DOCK1: variants seen among roughly 807,000 people sequenced by gnomAD.
DOCK1 encodes the protein dedicator of cytokinesis 1, also known as dedicator of cytokinesis protein 1.
A neutral mutation model predicts 262.7 loss-of-function variants in DOCK1; 138 were observed. The ratio of observed to expected loss-of-function variants is 0.53; its 90% CI spans 0.46 to 0.61. The LOEUF (loss-of-function observed/expected upper bound fraction) is 0.61. DOCK1 is among the 20% of genes least tolerant of loss of function. The probability of loss-of-function intolerance (pLI) is 0.00; values close to 1 mark genes in which losing one functional copy is unlikely to be tolerated. For missense variants in DOCK1, 1,908 were observed against 2,370.7 expected, an observed-to-expected ratio of 0.80 and a Z score of 4.05; for synonymous variants, 866 against 867.4, an observed-to-expected ratio of 1.00 and a Z score of 0.03.
Position 126,990,603 on chromosome 10 carries a change from GGTTT to G in DOCK1, c.473+5_473+8del. 1 of 1,612,942 alleles carries G rather than the reference GGTTT, an allele frequency of 6.2e-7. No individual in the cohort carries two copies. The highest frequency in any genetic ancestry group is 8.5e-7 in the Non-Finnish European group (1 of 1,179,416). ...ACAGCCAAAATTGATTATGGAAACA[GGTTT>G]GTTTATTTGAAAGATGATTTTACGC... On this transcript the variant is annotated splice_donor_variant and splice_donor_region_variant and intron_variant, in intron 6 of 51. Coordinates refer to ENST00000623213, the MANE Select transcript of DOCK1 (RefSeq NM_001290223.2). LOFTEE classifies it high-confidence loss of function.
Position 127,137,945 on chromosome 10 carries a change from A to G in DOCK1, c.2847+10181A>G. The stretch of plus-strand genomic sequence containing the variant: ...GAGAGTAAGGCGAAGGTATGACCTG[A>G]GTTTCCTCAATAGGGTGGAGTTTTC... On this transcript the variant is annotated intron_variant, in intron 27 of 51. Coordinates refer to ENST00000623213, the MANE Select transcript of DOCK1 (RefSeq NM_001290223.2). 1.9e-6 allele frequency: 3 copies of G among 1,614,090 alleles called. No homozygotes were observed. In the South Asian group the frequency reaches 3.3e-5, roughly 18 times the overall value.
intron 29 of DOCK1, among the ~76,000 whole-genome samples, chr10:127,302,849 A>G (rs2135442580): frequency 6.6e-6 from 1 of 151,594 alleles, no homozygotes; most frequent in South Asian, 2.1e-4. Flanking sequence ...AACAGCATGA[A>G]ATATGGACAG....
chr10:126,974,394 A>G (rs1251172291), intron 2 of DOCK1, among the ~76,000 whole-genome samples: 1 of 152,210 alleles, frequency 6.6e-6, no homozygotes, highest in Admixed American at 6.5e-5. Flanking sequence ...TAAAATGACT[A>G]GACCGCCATT....
chr10:126,950,581 T>C (rs2036125557), intron 1 of DOCK1, among the ~76,000 whole-genome samples: 1 of 152,138 alleles, frequency 6.6e-6, no homozygotes, highest in Non-Finnish European at 1.5e-5. Context: ...AGAGGGACTC[T>C]GCAGCCTTTG....
chr10:127,402,908 A>G, intron 38 of DOCK1, 147 bp from the exon 39 acceptor site: 1 of 822,676 alleles, frequency 1.2e-6, no homozygotes, highest in South Asian at 1.6e-5. Context: ...ACTCAAGAAA[A>G]TATTTGTATT....
chr10:126,946,135 C>G (rs2035383518), intron 1 of DOCK1, among the ~76,000 whole-genome samples: 1 of 151,928 alleles, frequency 6.6e-6, no homozygotes, highest in Non-Finnish European at 1.5e-5. Context: ...AGAATTTTCC[C>G]CTTTAACCCT....
chr10:126,928,837 C>T (rs2033970896), intron 1 of DOCK1, among the ~76,000 whole-genome samples: 1 of 152,234 alleles, frequency 6.6e-6, no homozygotes, highest in African/African-American at 2.4e-5. Context: ...TTCCTCTCCT[C>T]TATTTCTAAG....
chr10:127,194,202 C>T (rs2056940472), intron 27 of DOCK1, among the ~76,000 whole-genome samples: 1 of 152,174 alleles, frequency 6.6e-6, no homozygotes, highest in Non-Finnish European at 1.5e-5. Flanking sequence ...GTAATTTATG[C>T]AAAATCATGC....
intron 5 of DOCK1, among the ~76,000 whole-genome samples, chr10:126,988,934 A>T (rs1281175418): frequency 3.3e-5 from 5 of 152,110 alleles, no homozygotes; most frequent in African/African-American, 1.2e-4. Context: ...TTAGCTGAGC[A>T]TGGTGGAGCA....
chr10:126,963,140 T>C (rs2037355770), intron 1 of DOCK1, among the ~76,000 whole-genome samples: 1 of 152,214 alleles, frequency 6.6e-6, no homozygotes, highest in African/African-American at 2.4e-5. Flanking sequence ...TTGTAGTAGG[T>C]ATTGAAATCG....
intron 36 of DOCK1, 121 bp downstream of exon 36, chr10:127,380,243 G>A (rs770092596): frequency 3.6e-5 from 29 of 804,618 alleles, no homozygotes; most frequent in African/African-American, 3.4e-4. Context: ...ATTGTGAAAC[G>A]TATAAGGTAG....
intron 1 of DOCK1, among the ~76,000 whole-genome samples, chr10:126,949,557 A>T (rs897933722): frequency 6.6e-6 from 1 of 152,096 alleles, no homozygotes; most frequent in Non-Finnish European, 1.5e-5. Flanking sequence ...CAGAGCAGCA[A>T]GGGCAGAGCT....
intron 1 of DOCK1, among the ~76,000 whole-genome samples, chr10:126,924,477 T>C (rs1019193948): frequency 7.1e-6 from 1 of 141,706 alleles, no homozygotes; most frequent in Non-Finnish European, 1.5e-5. Context: ...TGGAACTCAG[T>C]AGGGGGAGGC....
At chr10:127,391,243 A>C (rs2066460735) in intron 38 of DOCK1, among the ~76,000 whole-genome samples, 1 of 152,190 alleles carries the variant, frequency 6.6e-6, no homozygotes, top group African/African-American at 2.4e-5. Context: ...ACTCAATTTC[A>C]TTTCTGTAGT....
chr10:127,289,441 A>T (rs187995324), intron 29 of DOCK1, among the ~76,000 whole-genome samples: 4 of 152,256 alleles, frequency 2.6e-5, no homozygotes, highest in Admixed American at 2.6e-4. Flanking sequence ...ACAACTTTAC[A>T]TGGTTTTGCC....
Position 127,410,912 on chromosome 10 carries a change from C to A in DOCK1, c.4416C>A (p.Asp1472Glu), listed in dbSNP as rs761487030. Residue 1472 changes from aspartate (D) to glutamate (E), a missense_variant, in exon 43 of 52, where the codon GAC becomes GAA. Physicochemically the swap from Asp to Glu is conservative, Grantham distance 45. Transcript: ENST00000623213. ...TCCGGAAGGGAGAGAAAAACCCAGACAATGAATTTGCGGTAAAAAACAAAC... is the reference window on the plus strand; with the variant it reads ...TCCGGAAGGGAGAGAAAAACCCAGAAAATGAATTTGCGGTAAAAAACAAAC... ...RPIRKGEKNP[D>E]NEFANMWIER... 1 of 1,613,490 alleles carries A rather than the reference C, an allele frequency of 6.2e-7. No homozygotes were observed. Among genetic ancestry groups the A allele is most frequent in the Non-Finnish European group, 8.5e-7 (1 of 1,179,760 alleles).
chr10:127,258,449 A>C (rs959139995), intron 29 of DOCK1, among the ~76,000 whole-genome samples: 1 of 152,248 alleles, frequency 6.6e-6, no homozygotes, highest in Non-Finnish European at 1.5e-5. Context: ...CTGGAGATCC[A>C]TTTAGGTTGT....
rs566255432 is a variant in DOCK1 at position 127,032,285 on chromosome 10, C to T, written c.1877C>T (p.Ser626Phe). 45 of 1,586,968 alleles carry T rather than the reference C, an allele frequency of 2.8e-5. No homozygotes were observed. Among genetic ancestry groups the T allele is most frequent in the East Asian group, 4.5e-5 (2 of 44,016 alleles). Reference protein sequence around the residue: ...CTISKDSFQISTLVCSTKLTQ... With the variant: ...CTISKDSFQIFTLVCSTKLTQ... ...ATTAGCAAGGACTCCTTCCAGATCT[C>T]CACGCTCGTGTGCTCCACCAAACTG... The change falls in exon 18 of 52, where the codon TCC becomes TTC. Residue 626 changes from serine to phenylalanine, a missense_variant. Physicochemically the swap from Ser to Phe is radical, Grantham distance 155. Coordinates refer to ENST00000623213, the MANE Select transcript of DOCK1 (RefSeq NM_001290223.2).
chr10:126,967,757 G>A (rs1288105827), intron 1 of DOCK1, among the ~76,000 whole-genome samples: 2 of 152,102 alleles, frequency 1.3e-5, no homozygotes, highest in Non-Finnish European at 2.9e-5. Flanking sequence ...GGACCTTTGT[G>A]ATTACATTGG....
Sources: gnomAD v4.1 joint callset for allele counts (sites outside exome capture counted in the v4.1 genomes callset) on GRCh38, gnomAD v4.1.1 for gene constraint, MANE v1.5 for transcripts, NCBI Gene and HGNC (gene_info 2026-07-23, HGNC 2026-07-21) for gene names.